The following KAZN variants were observed in gnomAD, a reference collection of about 807,000 sequenced individuals.
KAZN encodes the protein kazrin.
Under a neutral mutation model 87.4 loss-of-function variants are expected in KAZN, and 40 were observed. The ratio of observed to expected loss-of-function variants is 0.46; its 90% CI spans 0.36 to 0.60. The LOEUF (loss-of-function observed/expected upper bound fraction) is 0.60, where lower values mean the gene tolerates loss of function less well. KAZN is among the 20% of genes least tolerant of loss of function. The probability of loss-of-function intolerance (pLI) is 0.00; values close to 1 mark genes in which losing one functional copy is unlikely to be tolerated. For missense variants in KAZN, 898 were observed against 1,073.9 expected, an observed-to-expected ratio of 0.84 and a Z score of 2.29; for synonymous variants, 466 against 458.3, an observed-to-expected ratio of 1.02 and a Z score of -0.22.
intron 1 of KAZN, among the ~76,000 whole-genome samples, chr1:14,776,779 G>A (rs2100621282): frequency 6.6e-6 from 1 of 152,040 alleles, no homozygotes; most frequent in African/African-American, 2.4e-5. Context: ...GCTTTGTTTT[G>A]TTTTTAATTA....
rs540515715 is a variant in KAZN, at chr1:13,933,423, C to A, written c.91+39667C>A. On this transcript the variant is annotated intron_variant, in intron 1 of 16. Transcript: ENST00000636203. ...AGGAGAATTGCTTGAACCCGGGAGA[C>A]GGAGGTTGTGGCGAGCCGAGATCAC... Among the ~76,000 whole-genome samples, 7 of 152,156 alleles carry A rather than the reference C, an allele frequency of 4.6e-5. 1 individual carries two copies. In the South Asian group the frequency reaches 8.3e-4, roughly 18 times the overall value.
chr1:14,873,600 C>T (rs1652425146), intron 1 of KAZN, among the ~76,000 whole-genome samples: 1 of 152,192 alleles, frequency 6.6e-6, no homozygotes, highest in African/African-American at 2.4e-5. Context: ...AGCCAGGGGC[C>T]TTTCAGGCTT....
chr1:14,883,711 G>C (rs1165586026), intron 1 of KAZN, among the ~76,000 whole-genome samples: 1 of 152,106 alleles, frequency 6.6e-6, no homozygotes, highest in Non-Finnish European at 1.5e-5. Context: ...CCCATCACAT[G>C]GACACAGGCA....
At chr1:14,918,931 A>G (rs1658198516) in intron 1 of KAZN, among the ~76,000 whole-genome samples, 1 of 151,722 alleles carries the variant, frequency 6.6e-6, no homozygotes, top group African/African-American at 2.4e-5. Flanking sequence ...CATAGAAACT[A>G]TGAGATAATC....
At chr1:14,697,663 A>G (rs1557897531) in intron 1 of KAZN, among the ~76,000 whole-genome samples, 1 of 152,116 alleles carries the variant, frequency 6.6e-6, no homozygotes, top group South Asian at 2.1e-4. Context: ...AGCCATAAAC[A>G]CTTCAGTCCA....
intron 1 of KAZN, among the ~76,000 whole-genome samples, chr1:14,882,794 A>G (rs1162382924): frequency 2.0e-5 from 3 of 152,108 alleles, no homozygotes; most frequent in African/African-American, 4.8e-5. Flanking sequence ...CTGTTCTAAG[A>G]CCTTTCCATG....
chr1:14,051,011 T>C (rs936324976), intron 1 of KAZN, among the ~76,000 whole-genome samples: 1 of 152,212 alleles, frequency 6.6e-6, no homozygotes, highest in Non-Finnish European at 1.5e-5. Flanking sequence ...TTTAATTCAG[T>C]ACCATTGCAA....
intron 4 of KAZN, among the ~76,000 whole-genome samples, chr1:15,045,036 C>T (rs1455328275): frequency 1.3e-5 from 2 of 152,056 alleles, no homozygotes; most frequent in African/African-American, 4.8e-5. Context: ...GACAGAGGGT[C>T]CGGGTCGGGA....
intron 1 of KAZN, among the ~76,000 whole-genome samples, chr1:14,868,046 C>T (rs1213423175): frequency 1.3e-5 from 1 of 77,780 alleles, no homozygotes; most frequent in Non-Finnish European, 3.3e-5. Context: ...CATAGCATGG[C>T]ATCACATACG....
intron 1 of KAZN, among the ~76,000 whole-genome samples, chr1:14,152,137 C>T (rs10928036): frequency 0.65 from 99,054 of 151,596 alleles, 33,354 homozygotes; most frequent in African/African-American, 0.81. Context: ...GTAAATGGGG[C>T]ATCCATCATC....
chr1:14,699,745 T>C (rs1641817698), intron 1 of KAZN, among the ~76,000 whole-genome samples: 2 of 152,196 alleles, frequency 1.3e-5, no homozygotes, highest in South Asian at 4.1e-4. Context: ...TTGACAGCCA[T>C]CTCTTCAAAC....
At chr1:15,048,408 C>T (rs559441101) in intron 4 of KAZN, among the ~76,000 whole-genome samples, 3 of 147,874 alleles carry the variant, frequency 2.0e-5, no homozygotes, top group African/African-American at 5.1e-5. Flanking sequence ...CCCCAAGGGA[C>T]CGCATGTGTG....
At chr1:14,191,708 A>G (rs1051787938) in intron 2 of KAZN, among the ~76,000 whole-genome samples, 2 of 152,128 alleles carry the variant, frequency 1.3e-5, no homozygotes, top group Non-Finnish European at 2.9e-5. Flanking sequence ...TTGGTAGCCT[A>G]CAGAATCTCT....
chr1:14,389,153 A>G (rs1011270578), intron 2 of KAZN, among the ~76,000 whole-genome samples: 17 of 152,140 alleles, frequency 1.1e-4, no homozygotes, highest in African/African-American at 4.1e-4. Context: ...ACAATGAGGT[A>G]TCATCTCACC....
At chr1:14,233,095 T>C (rs1224518239) in intron 2 of KAZN, among the ~76,000 whole-genome samples, 4 of 152,152 alleles carry the variant, frequency 2.6e-5, no homozygotes, top group African/African-American at 4.8e-5. Context: ...AGTATCCTTA[T>C]GTGTAAAATA....
At chr1:14,473,550 C>T (rs568106328) in intron 2 of KAZN, among the ~76,000 whole-genome samples, 45 of 149,878 alleles carry the variant, frequency 3.0e-4, no homozygotes, top group South Asian at 8.7e-4. Flanking sequence ...TCGCTTGAAC[C>T]GGGGAGGCAG....
chr1:14,501,681 A>C (rs1670262189), intron 2 of KAZN, among the ~76,000 whole-genome samples: 1 of 152,208 alleles, frequency 6.6e-6, no homozygotes, highest in African/African-American at 2.4e-5. Context: ...CATGATCATG[A>C]ATTGAAAGAG....
At chr1:14,655,270 A>G (rs1362759661) in intron 1 of KAZN, among the ~76,000 whole-genome samples, 1 of 152,094 alleles carries the variant, frequency 6.6e-6, no homozygotes, top group Admixed American at 6.5e-5. Context: ...GTGTTTAGGA[A>G]CCCACCTCCT....
chr1:14,688,005 A>G (rs900612148), intron 1 of KAZN, among the ~76,000 whole-genome samples: 1 of 152,126 alleles, frequency 6.6e-6, no homozygotes, highest in African/African-American at 2.4e-5. Flanking sequence ...GGACTACAAG[A>G]TGTCACAAGT....
Sources: allele counts gnomAD v4.1 joint callset (sites outside exome capture counted in the v4.1 genomes callset), GRCh38; gene constraint gnomAD v4.1.1; transcripts MANE v1.5; gene names NCBI Gene and HGNC (gene_info 2026-07-23, HGNC 2026-07-21).